The following PATL1 variants were observed in gnomAD, a reference collection of about 807,000 sequenced individuals.
PATL1 encodes the protein PAT1 homolog 1, processing body mRNA decay factor, also known as protein PAT1 homolog 1.
A neutral mutation model predicts 100.6 loss-of-function variants in PATL1; 32 were observed. The observed-to-expected ratio is 0.32, with a 90% CI of 0.24 to 0.43. The LOEUF (loss-of-function observed/expected upper bound fraction) is 0.43. Ranked by LOEUF, PATL1 falls within the 20% of genes least tolerant of loss-of-function variation. The probability of loss-of-function intolerance (pLI) is 1.00; values close to 1 mark genes in which losing one functional copy is unlikely to be tolerated. For synonymous variants in PATL1, 332 were observed against 330.0 expected (o/e 1.01, Z -0.07); for missense variants, 747 against 949.9 (o/e 0.79, Z 2.81).
At chr11:59,647,535 T>C (rs1157025623) in intron 15 of PATL1, among the ~76,000 whole-genome samples, 3 of 152,180 alleles carry the variant, frequency 2.0e-5, no homozygotes, top group Non-Finnish European at 4.4e-5. Context: ...GAGGGAATTG[T>C]TGTTTTTCTC....
At chr11:59,668,606 T>C (rs943213160) in intron 1 of PATL1, among the ~76,000 whole-genome samples, 2 of 150,392 alleles carry the variant, frequency 1.3e-5, no homozygotes, top group Admixed American at 1.3e-4. Context: ...GGGGCGGGGG[T>C]GTGGTCTGGT....
At chr11:59,661,859 A>G (rs182261915) in intron 2 of PATL1, among the ~76,000 whole-genome samples, 118 of 152,330 alleles carry the variant, frequency 7.7e-4, no homozygotes, top group African/African-American at 2.4e-3. Flanking sequence ...ATTCTTTTTA[A>G]TACCTACATA....
intron 2 of PATL1, 65 bp downstream of exon 2, chr11:59,666,788 T>TA: frequency 3.4e-6 from 5 of 1,488,986 alleles, no homozygotes; most frequent in Non-Finnish European, 4.5e-6. Flanking sequence ...AAAGCACTTC[T>TA]AAAAGACAGC....
At chr11:59,652,231 T>TA (rs541061457) in intron 11 of PATL1, among the ~76,000 whole-genome samples, 1 of 152,058 alleles carries the variant, frequency 6.6e-6, no homozygotes, top group Non-Finnish European at 1.5e-5. Context: ...ATAACACATT[T>TA]AAAAAATCAT....
At chr11:59,640,321 A>G (rs1169839101) in intron 16 of PATL1, among the ~76,000 whole-genome samples, 2 of 151,240 alleles carry the variant, frequency 1.3e-5, no homozygotes, top group Admixed American at 1.3e-4. Flanking sequence ...AGCCTGGGCA[A>G]CACGAGTGAA....
At position 59,637,602 on chromosome 11, in the gene PATL1, C is replaced by CAT. The variant is rs1861210639; in HGVS notation, c.*786_*787dup. The stretch of plus-strand genomic sequence containing the variant: ...CCCTGTAGTTGTAGCAGGAAAAAGA[C>CAT]ATAACCATGTGTTGTTTCGATTAAG... On this transcript the variant is annotated 3_prime_UTR_variant, in exon 19 of 19. Coordinates refer to ENST00000300146, the MANE Select transcript of PATL1 (RefSeq NM_152716.3). 1 of 152,514 alleles carries CAT rather than the reference C, an allele frequency of 6.6e-6. No homozygotes were observed. Among genetic ancestry groups the CAT allele is most frequent in the Non-Finnish European group, 1.5e-5 (1 of 68,046 alleles). The allele number at this position is 152,514 out of a possible 1,614,324, so 9.4% of individuals were successfully genotyped here. A position where few individuals can be genotyped will look rare whatever the true frequency, so the allele number is the denominator to read the frequency against.
At position 59,643,289 on chromosome 11, in the gene PATL1, G is replaced by A. The variant is rs184231610; in HGVS notation, c.1894-254C>T. 5.9e-5 allele frequency among the ~76,000 whole-genome samples: 9 copies of A among 152,024 alleles called. No individual in the cohort carries two copies. In the East Asian group the frequency reaches 1.7e-3, roughly 29 times the overall value. ...AAAATCACTCCCAAATACATACCAA[G>A]AGTTATGCTAAAACATCAATATTTT... On this transcript the variant is annotated intron_variant, in intron 15 of 18. Coordinates refer to ENST00000300146, the MANE Select transcript of PATL1 (RefSeq NM_152716.3).
At position 59,642,905 on chromosome 11, in the gene PATL1, T is replaced by C. The variant is rs1308812752; in HGVS notation, c.2024A>G (p.His675Arg). The change falls in exon 16 of 19, where the codon CAC (histidine) becomes CGC (arginine). Residue 675 changes from histidine to arginine, a missense_variant. This residue lies in a region of PATL1 where 434 missense variants were observed against 596.1 expected (regional missense o/e 0.73). Coordinates refer to ENST00000300146, the MANE Select transcript of PATL1 (RefSeq NM_152716.3). ...CTTGTTCTGGAGCACAGCAGTGAGG[T>C]GAGGATTGGAGAGTGCTGGTGTAGC... ...SAATPALSNP[H>R]LTAVLQNKFG... 2 of 1,613,472 alleles carry C rather than the reference T, an allele frequency of 1.2e-6. No individual in the cohort carries two copies. Among genetic ancestry groups the C allele is most frequent in the Admixed American group, 3.3e-5 (2 of 59,944 alleles).
intron 12 of PATL1, among the ~76,000 whole-genome samples, chr11:59,651,301 C>T (rs933809140): frequency 2.0e-5 from 3 of 152,138 alleles, no homozygotes; most frequent in African/African-American, 7.2e-5. Context: ...TAAATACATG[C>T]TGTTTGCAGC....
chr11:59,652,942 G>C lies in PATL1; in HGVS notation c.1198C>G (p.Pro400Ala). The C allele has an allele frequency of 6.2e-7, 1 of 1,613,920 alleles. No individual in the cohort carries two copies. The highest frequency in any genetic ancestry group is 8.5e-7 in the Non-Finnish European group (1 of 1,179,866). Residue 400 changes from proline to alanine, a missense_variant, in exon 10 of 19, where the codon CCA becomes GCA. Pro to Ala is a conservative substitution (Grantham distance 27, BLOSUM62 -1). This residue lies in a region of PATL1 where 434 missense variants were observed against 596.1 expected (regional missense o/e 0.73). Coordinates refer to ENST00000300146, the MANE Select transcript of PATL1 (RefSeq NM_152716.3). ...SSHQDHLRKD[P>A]YANLMLQREK... The stretch of plus-strand genomic sequence containing the variant: ...CGCTGCAACATGAGATTGGCATATG[G>C]ATCCTTTCGGAGATGATCTTGATGA...
chr11:59,654,131 A>G, intron 8 of PATL1, 59 bp from the exon 9 acceptor site: 1 of 1,417,176 alleles, frequency 7.1e-7, no homozygotes. Context: ...GAAATTTTAA[A>G]GAATGTTGTC....
chr11:59,648,814 C>G (rs1386144926), intron 14 of PATL1, among the ~76,000 whole-genome samples: 1 of 152,182 alleles, frequency 6.6e-6, no homozygotes, highest in Non-Finnish European at 1.5e-5. Flanking sequence ...GTGTTGAAAA[C>G]AAAGTGCTTA....
At chr11:59,652,659 A>G (rs1431888912) in intron 10 of PATL1, 72 bp from the exon 11 acceptor site, 2 of 1,576,900 alleles carry the variant, frequency 1.3e-6, no homozygotes, top group African/African-American at 2.7e-5. Context: ...CAAATAATTT[A>G]TGCCAGTGAC....
intron 8 of PATL1, 71 bp from the exon 9 acceptor site, chr11:59,654,143 G>T (rs1178383079): frequency 7.6e-7 from 1 of 1,310,292 alleles, no homozygotes. Context: ...AATGTTGTCA[G>T]TAGAGGATAA....
At position 59,656,582 on chromosome 11, in the gene PATL1, C is replaced by T. The variant is rs759801537; in HGVS notation, c.640G>A (p.Val214Ile). The T allele has an allele frequency of 3.1e-6, 5 of 1,613,936 alleles. No individual in the cohort carries two copies. Among genetic ancestry groups the T allele is most frequent in the Non-Finnish European group, 4.2e-6 (5 of 1,179,844 alleles). The change falls in exon 6 of 19, where the codon GTC becomes ATC. Residue 214 changes from valine to isoleucine, a missense_variant. This residue lies in a region of PATL1 where 127 missense variants were observed against 116.0 expected (regional missense o/e 1.09). Coordinates refer to ENST00000300146, the MANE Select transcript of PATL1 (RefSeq NM_152716.3). ...GGTGGCATTGGGGGCCGAACATGGA[C>T]AGGCTTCGGACACAGAATCTATCAG... ...FTQQILCPKPVHVRPPMPPRY... is the reference protein window; with the variant it reads ...FTQQILCPKPIHVRPPMPPRY...
chr11:59,645,387 C>CA (rs1434208490), intron 15 of PATL1, among the ~76,000 whole-genome samples: 3 of 127,082 alleles, frequency 2.4e-5, no homozygotes, highest in Middle Eastern at 4.0e-3. Flanking sequence ...CTTCCCCCCC[C>CA]ATCCACTTTT....
In PATL1 at chr11:59,659,319, A is replaced by C; in HGVS notation, c.278T>G (p.Met93Arg). 1.9e-6 allele frequency: 3 copies of C among 1,551,374 alleles called. No homozygotes were observed. The highest frequency in any genetic ancestry group is 2.6e-6 in the Non-Finnish European group (3 of 1,146,796). The change falls in exon 3 of 19, where the codon ATG becomes AGG. Residue 93 changes from methionine to arginine, a missense_variant. By Grantham distance (91) the Met-to-Arg change is moderately conservative. Coordinates refer to ENST00000300146, the MANE Select transcript of PATL1 (RefSeq NM_152716.3). The part of the protein sequence containing the change: ...EENLAERLSK[M>R]VIENELEDPA... The stretch of plus-strand genomic sequence containing the variant: ...ATCTTCTAGTTCATTTTCAATCACC[A>C]TCTTACTGAGCCTTTCTGCCAGATT...
At position 59,647,899 on chromosome 11, in the gene PATL1, T is replaced by A. The variant is rs772294921; in HGVS notation, c.1748A>T (p.His583Leu). The change falls in exon 15 of 19, where the codon CAC (histidine) becomes CTC (leucine). Residue 583 changes from histidine (H) to leucine (L), a missense_variant. This residue lies in a region of PATL1 where 434 missense variants were observed against 596.1 expected (regional missense o/e 0.73). Transcript: ENST00000300146. ...TCGGATACACATGATCTGTACAAAG[T>A]GGTCATCACTAGGCCTGCAAGGAAG... ...LPGQERPSDD[H>L]FVQIMCIRKG... is the part of the protein sequence containing the mutation. The A allele has an allele frequency of 1.2e-6, 2 of 1,608,224 alleles. No individual in the cohort carries two copies. Among genetic ancestry groups the A allele is most frequent in the Non-Finnish European group, 8.5e-7 (1 of 1,176,200 alleles).
At chr11:59,668,743 A>G in intron 1 of PATL1, 138 bp downstream of exon 1, 1 of 462,038 alleles carries the variant, frequency 2.2e-6, no homozygotes, top group South Asian at 2.2e-5. Context: ...ACCCCAGACC[A>G]GTCGCGTCCA....
Sources: allele counts gnomAD v4.1 joint callset (sites outside exome capture counted in the v4.1 genomes callset), GRCh38; gene constraint gnomAD v4.1.1; regional missense constraint gnomAD v4.1.1; transcripts MANE v1.5; gene names NCBI Gene and HGNC (gene_info 2026-07-23, HGNC 2026-07-21).